Variants in NFATC1 observed in about 807,000 individuals in gnomAD.
The protein encoded by NFATC1 is nuclear factor of activated T-cells, cytoplasmic 1.
A neutral mutation model predicts 76.0 loss-of-function variants in NFATC1; 22 were observed. The observed-to-expected ratio is 0.29, with a 90% confidence interval of 0.21 to 0.41. The LOEUF (loss-of-function observed/expected upper bound fraction) is 0.41. NFATC1 is among the 10% of genes least tolerant of loss of function. The pLI, the probability that NFATC1 is intolerant of heterozygous loss-of-function variation, is 1.00. For synonymous variants in NFATC1, 704 were observed against 613.1 expected (o/e 1.15, Z -2.19); for missense variants, 1,357 against 1,337.7 (o/e 1.01, Z -0.23).
At chr18:79,492,246 C>G (rs2089700534) in intron 9 of NFATC1, among the ~76,000 whole-genome samples, 2 of 152,140 alleles carry the variant, frequency 1.3e-5, no homozygotes, top group Admixed American at 1.3e-4. Context: ...AGGTCACGCA[C>G]AGCCCACATC....
In NFATC1 at chr18:79,486,951, G is replaced by T. The variant is rs1295517709; in HGVS notation, c.2782+14G>T. The T allele has an allele frequency of 6.3e-7, 1 of 1,580,728 alleles. No individual in the cohort carries two copies. Among genetic ancestry groups the T allele is most frequent in the Admixed American group, 1.7e-5 (1 of 58,202 alleles). ...ACCTGGATGACGGTGAGTGCCCGCA[G>T]CCATGCAGGTGTGTGCCCCGCCTGG... is the stretch of plus-strand genomic sequence containing the variant. On this transcript the variant is annotated intron_variant, in intron 9 of 9. Transcript: ENST00000427363.
At chr18:79,433,855 C>A (rs896089782) in intron 3 of NFATC1, 117 bp downstream of exon 3, 4 of 1,321,266 alleles carry the variant, frequency 3.0e-6, no homozygotes, top group Non-Finnish European at 3.0e-6. Context: ...AATGCTCTGT[C>A]GTGGTTAGTC....
At chr18:79,492,627 TG>T (rs2089713553) in intron 9 of NFATC1, among the ~76,000 whole-genome samples, 1 of 151,280 alleles carries the variant, frequency 6.6e-6, no homozygotes, top group African/African-American at 2.4e-5. Flanking sequence ...GAGAATGGCG[TG>T]AACCTGGGAG....
At chr18:79,411,959 C>T (rs975876167) in intron 2 of NFATC1, among the ~76,000 whole-genome samples, 3 of 152,068 alleles carry the variant, frequency 2.0e-5, no homozygotes, top group Non-Finnish European at 4.4e-5. Context: ...CTGCTGCTCC[C>T]GCTTCCTCCC....
Position 79,527,756 on chromosome 18 carries a change from G to A in NFATC1, c.*179G>A, listed in dbSNP as rs1414607614. ...TCTCCAACAAGAAGGAAAGCAGGGAGGAAGGGAGACCACTGTGTCACCTGG... is the reference window on the plus strand; with the variant it reads ...TCTCCAACAAGAAGGAAAGCAGGGAAGAAGGGAGACCACTGTGTCACCTGG... On this transcript the variant is annotated 3_prime_UTR_variant, in exon 10 of 10. Transcript: ENST00000427363. 3.2e-6 allele frequency: 2 copies of A among 619,714 alleles called. No homozygotes were observed. Among genetic ancestry groups the A allele is most frequent in the African/African-American group, 3.7e-5 (2 of 54,432 alleles). The allele number at this position is 619,714 out of a possible 1,614,324, so 38.4% of individuals were successfully genotyped here.
Position 79,410,981 on chromosome 18 carries a change from C to A in NFATC1, c.706C>A (p.His236Asn). 3 of 1,604,464 alleles carry A rather than the reference C, an allele frequency of 1.9e-6. No homozygotes were observed. The highest frequency in any genetic ancestry group is 1.7e-6 in the Non-Finnish European group (2 of 1,175,736). Residue 236 changes from histidine (H) to asparagine (N), a missense_variant, in exon 2 of 10, where the codon CAC becomes AAC. This residue lies in a region of NFATC1 where 691 missense variants were observed against 613.1 expected (regional missense o/e 1.13). Coordinates refer to ENST00000427363, the MANE Select transcript of NFATC1 (RefSeq NM_001278669.2). This position sits in a 1 kb window ranked among gnomAD's most constrained non-coding sequence, Gnocchi z 6.7. ...GACTLLGSPR[H>N]SPSTSPRASV... ...CTGCACACTGCTGGGTTCCCCGCGG[C>A]ACTCCCCCTCCACCTCGCCCCGCGC...
At chr18:79,442,329 G>A (rs1446494745) in intron 3 of NFATC1, among the ~76,000 whole-genome samples, 1 of 152,242 alleles carries the variant, frequency 6.6e-6, no homozygotes, top group East Asian at 1.9e-4. Context: ...CGAGGCGTCG[G>A]TCCTGCTGAG....
intron 8 of NFATC1, among the ~76,000 whole-genome samples, chr18:79,477,134 C>A (rs1219283120): frequency 6.6e-6 from 1 of 152,200 alleles, no homozygotes; most frequent in Admixed American, 6.5e-5. Context: ...GATAAGGCAG[C>A]TTCATCCGCT....
chr18:79,396,484 C>G, intron 1 of NFATC1, 133 bp downstream of exon 1: 1 of 453,756 alleles, frequency 2.2e-6, no homozygotes, highest in Non-Finnish European at 3.1e-6. Context: ...TCTGTGCGCC[C>G]AGGGAGGGGC....
At position 79,419,486 on chromosome 18, in the gene NFATC1, TAGGAGGGCCGGCACCTGCCTGC is replaced by T. The variant is rs1351613938; in HGVS notation, c.1226+7986_1226+8007del. Among the ~76,000 whole-genome samples, 96 of 141,952 alleles carry T rather than the reference TAGGAGGGCCGGCACCTGCCTGC, an allele frequency of 6.8e-4. 1 individual carries two copies. Among genetic ancestry groups the T allele is most frequent in the Non-Finnish European group, 1.9e-4 (12 of 64,816 alleles). 93.1% of individuals were successfully genotyped at this position (141,952 alleles called of 152,430 possible). On this transcript the variant is annotated intron_variant, in intron 2 of 9. Transcript: ENST00000427363. Reference sequence around the variant, plus strand: ...GCACCTGCCTGCCCGGGAGCCCCCCTAGGAGGGCCGGCACCTGCCTGCCCGGGAGCCCCCCTAGGAGGGCCGG... The same window carrying T: ...GCACCTGCCTGCCCGGGAGCCCCCCTCCGGGAGCCCCCCTAGGAGGGCCGG...
chr18:79,519,490 G>A (rs998578775), intron 9 of NFATC1, among the ~76,000 whole-genome samples: 1 of 152,012 alleles, frequency 6.6e-6, no homozygotes, highest in African/African-American at 2.4e-5. Context: ...ACACCACCAT[G>A]TCTGGCTAAT....
chr18:79,485,432 C>T (rs996668069), intron 8 of NFATC1, among the ~76,000 whole-genome samples: 8 of 152,256 alleles, frequency 5.3e-5, no homozygotes, highest in Admixed American at 5.2e-4. Flanking sequence ...TCCGCCTCGC[C>T]GCTCCTGCTG....
At chr18:79,477,495 G>A (rs997438817) in intron 8 of NFATC1, among the ~76,000 whole-genome samples, 14 of 152,118 alleles carry the variant, frequency 9.2e-5, no homozygotes, top group African/African-American at 3.1e-4. Context: ...TACTGTTGGC[G>A]GAAGAAGGGG....
At chr18:79,459,374 C>A (rs1024031271) in intron 6 of NFATC1, among the ~76,000 whole-genome samples, 11 of 152,338 alleles carry the variant, frequency 7.2e-5, no homozygotes, top group African/African-American at 2.4e-4. Flanking sequence ...GGGGCAGCCA[C>A]CTGGAGGAGG....
chr18:79,400,428 T>G (rs371822461), intron 1 of NFATC1: 1 of 1,494,718 alleles, frequency 6.7e-7, no homozygotes. Flanking sequence ...CGACTTCGAG[T>G]TCCTCTTCGA....
At chr18:79,436,900 G>A (rs1017820102) in intron 3 of NFATC1, among the ~76,000 whole-genome samples, 8 of 152,222 alleles carry the variant, frequency 5.3e-5, no homozygotes, top group South Asian at 2.1e-4. Flanking sequence ...TTGTTCCCAC[G>A]CCGGGGAGAG....
At chr18:79,439,617 C>T (rs1179611098) in intron 3 of NFATC1, among the ~76,000 whole-genome samples, 5 of 152,242 alleles carry the variant, frequency 3.3e-5, no homozygotes, top group East Asian at 1.9e-4. Flanking sequence ...GTTCCACATA[C>T]GCCGTTGTTC....
chr18:79,480,260 A>G (rs1373583820), intron 8 of NFATC1, among the ~76,000 whole-genome samples: 1 of 152,182 alleles, frequency 6.6e-6, no homozygotes, highest in Non-Finnish European at 1.5e-5. Context: ...TCCTGAGAGG[A>G]GCGTGTTGCC....
chr18:79,521,964 CTG>C (rs1305112151), intron 9 of NFATC1, among the ~76,000 whole-genome samples: 1 of 78,642 alleles, frequency 1.3e-5, no homozygotes, highest in African/African-American at 5.6e-5. Flanking sequence ...AGGTTGTCTG[CTG>C]TGTGTGGGGA....
Sources: allele counts gnomAD v4.1 joint callset (sites outside exome capture counted in the v4.1 genomes callset), GRCh38; gene constraint gnomAD v4.1.1; regional missense constraint gnomAD v4.1.1; non-coding constraint Gnocchi (gnomAD v3.1); transcripts MANE v1.5; gene names NCBI Gene and HGNC (gene_info 2026-07-23, HGNC 2026-07-21).